The following CAST variants were observed in gnomAD, a reference collection of about 807,000 sequenced individuals.
CAST encodes the protein calpastatin.
A neutral mutation model predicts 119.6 loss-of-function variants in CAST; 76 were observed. That is an observed-to-expected ratio of 0.64 (90% CI 0.53 to 0.77). CAST has a LOEUF of 0.77. Among genes scored for constraint, CAST ranks in the 30% least tolerant of loss-of-function variants. The probability of loss-of-function intolerance (pLI) is 0.00; values close to 1 mark genes in which losing one functional copy is unlikely to be tolerated. For synonymous variants in CAST, 319 were observed against 331.6 expected (o/e 0.96, Z 0.41); for missense variants, 953 against 946.5 (o/e 1.01, Z -0.09).
chr5:96,171,358 G>T, the CAST span, among the ~76,000 whole-genome samples: 2 of 152,164 alleles, frequency 1.3e-5, no homozygotes, highest in African/African-American at 4.8e-5. Context: ...TAAGGGAGAA[G>T]AAGGAGGAAT....
the CAST span, among the ~76,000 whole-genome samples, chr5:96,304,123 C>T: frequency 1.3e-5 from 2 of 152,302 alleles, no homozygotes; most frequent in South Asian, 4.1e-4. Flanking sequence ...TGTTTCCTGA[C>T]TTTTTAATGA....
the CAST span, among the ~76,000 whole-genome samples, chr5:96,084,010 C>T: frequency 3.3e-5 from 5 of 152,074 alleles, no homozygotes; most frequent in Admixed American, 6.5e-5. Flanking sequence ...GGATTAAATG[C>T]GTTAAAATGT....
intron 4 of CAST, among the ~76,000 whole-genome samples, chr5:96,724,429 C>A (rs551478673): frequency 6.6e-6 from 1 of 152,108 alleles, no homozygotes. Flanking sequence ...GCAGTCCTCC[C>A]ATCTCAGCCT....
At chr5:96,002,147 A>G in the CAST span, among the ~76,000 whole-genome samples, 2 of 152,238 alleles carry the variant, frequency 1.3e-5, no homozygotes, top group Non-Finnish European at 2.9e-5. Flanking sequence ...CCATTGTTCA[A>G]GTGTACTTAT....
intron 1 of CAST, among the ~76,000 whole-genome samples, chr5:96,672,952 G>A (rs1025716903): frequency 2.4e-4 from 37 of 152,154 alleles, no homozygotes; most frequent in African/African-American, 8.9e-4. Context: ...TGCATTTACT[G>A]TGGGGTAATA....
intron 12 of CAST, 57 bp from the exon 13 acceptor site, chr5:96,740,688 C>A: frequency 7.7e-7 from 1 of 1,291,610 alleles, no homozygotes; most frequent in South Asian, 1.2e-5. Context: ...ATACATTTTG[C>A]CGATCTTAAG....
At chr5:96,569,996 T>A (rs967273244) in intron 1 of CAST, among the ~76,000 whole-genome samples, 2 of 152,122 alleles carry the variant, frequency 1.3e-5, no homozygotes, top group African/African-American at 2.4e-5. Context: ...TCAATCTAAT[T>A]CCATCTGACT....
chr5:96,130,469 A>T, the CAST span, among the ~76,000 whole-genome samples: 1 of 151,348 alleles, frequency 6.6e-6, no homozygotes, highest in Admixed American at 6.6e-5. Context: ...AAACCTAAGG[A>T]TATTATCTGA....
chr5:96,188,882 T>C, the CAST span, among the ~76,000 whole-genome samples: 6 of 152,230 alleles, frequency 3.9e-5, no homozygotes, highest in East Asian at 1.2e-3. Flanking sequence ...TGTCTTTTAT[T>C]ACACTTTTTA....
At chr5:96,362,512 G>T in the CAST span, among the ~76,000 whole-genome samples, 59 of 151,864 alleles carry the variant, frequency 3.9e-4, no homozygotes, top group Middle Eastern at 3.4e-3. Context: ...CCTGACTTTT[G>T]AATGATTGCC....
At chr5:96,687,102 A>C (rs1752169335) in intron 2 of CAST, among the ~76,000 whole-genome samples, 1 of 152,226 alleles carries the variant, frequency 6.6e-6, no homozygotes, top group Admixed American at 6.5e-5. Context: ...TTAAAAGGAA[A>C]CATCAGGGAT....
At chr5:96,639,509 A>G (rs1180482060) in intron 1 of CAST, among the ~76,000 whole-genome samples, 1 of 152,238 alleles carries the variant, frequency 6.6e-6, no homozygotes, top group Non-Finnish European at 1.5e-5. Context: ...CAGAAAATGT[A>G]TAAAATGAGA....
intron 1 of CAST, among the ~76,000 whole-genome samples, chr5:96,587,686 C>T (rs1272706362): frequency 6.6e-6 from 1 of 152,072 alleles, no homozygotes; most frequent in Non-Finnish European, 1.5e-5. Flanking sequence ...TGGACACATT[C>T]TAGGAGGTTT....
chr5:96,041,961 C>T, the CAST span, among the ~76,000 whole-genome samples: 18 of 152,178 alleles, frequency 1.2e-4, no homozygotes, highest in Middle Eastern at 3.4e-3. Flanking sequence ...CTTTGCCACA[C>T]GATAGTTTCA....
chr5:96,467,981 A>G, the CAST span, among the ~76,000 whole-genome samples: 2 of 152,158 alleles, frequency 1.3e-5, no homozygotes, highest in African/African-American at 4.8e-5. Flanking sequence ...TACGGAACCA[A>G]CCTAAGCGCG....
the CAST span, among the ~76,000 whole-genome samples, chr5:96,375,947 A>G: frequency 6.8e-6 from 1 of 147,808 alleles, no homozygotes; most frequent in Non-Finnish European, 1.5e-5. Context: ...AAATATAAAT[A>G]TATATATATA....
chr5:96,192,160 T>A, the CAST span, among the ~76,000 whole-genome samples: 2 of 152,144 alleles, frequency 1.3e-5, no homozygotes, highest in African/African-American at 2.4e-5. Context: ...AAGGATTAGC[T>A]GAGGCTCACA....
chr5:96,343,654 G>A, the CAST span, among the ~76,000 whole-genome samples: 1 of 152,158 alleles, frequency 6.6e-6, no homozygotes, highest in Non-Finnish European at 1.5e-5. Context: ...AGAAGAAATT[G>A]CCAGATCCCT....
chr5:96,382,028 GA>G, the CAST span, among the ~76,000 whole-genome samples: 1 of 152,112 alleles, frequency 6.6e-6, no homozygotes, highest in Non-Finnish European at 1.5e-5. Flanking sequence ...AGCTGACATT[GA>G]ACATAAAAAC....
Sources: allele counts gnomAD v4.1 joint callset (sites outside exome capture counted in the v4.1 genomes callset), GRCh38; gene constraint gnomAD v4.1.1; transcripts MANE v1.5; gene names NCBI Gene and HGNC (gene_info 2026-07-23, HGNC 2026-07-21).